Variants in FAM222B observed in about 807,000 individuals in gnomAD.
FAM222B encodes the protein protein FAM222B.
FAM222B carries 12 observed loss-of-function variants against 38.0 expected under a neutral mutation model. That is an observed-to-expected ratio of 0.32 (90% CI 0.20 to 0.51). The LOEUF (loss-of-function observed/expected upper bound fraction) is 0.51, where lower values mean the gene tolerates loss of function less well. Among genes scored for constraint, FAM222B ranks in the 20% least tolerant of loss-of-function variants. The pLI is 0.97. For missense variants in FAM222B, 716 were observed against 754.2 expected, an observed-to-expected ratio of 0.95 and a Z score of 0.59; for synonymous variants, 329 against 317.2, an observed-to-expected ratio of 1.04 and a Z score of -0.40.
chr17:28,790,299 C>CT (rs1375974445), intron 1 of FAM222B: 2 of 152,158 alleles, frequency 1.3e-5, no homozygotes, highest in African/African-American at 4.8e-5. Context: ...AGTAACTTTA[C>CT]TTAGGAAAAG....
chr17:28,786,329 C>T (rs979301680), intron 1 of FAM222B, among the ~76,000 whole-genome samples: 1 of 152,088 alleles, frequency 6.6e-6, no homozygotes, highest in Non-Finnish European at 1.5e-5. Context: ...AAGGTAAATC[C>T]GCTGGGAAAA....
At chr17:28,853,790 G>A (rs1598072347) in intron 1 of FAM222B, among the ~76,000 whole-genome samples, 2 of 151,966 alleles carry the variant, frequency 1.3e-5, no homozygotes, top group East Asian at 3.9e-4. Flanking sequence ...ACTCAAGAGG[G>A]CTGAAACTGG....
chr17:28,823,070 A>G (rs746404723), intron 1 of FAM222B, among the ~76,000 whole-genome samples: 2 of 151,148 alleles, frequency 1.3e-5, no homozygotes, highest in African/African-American at 4.9e-5. Context: ...GGAAAAAAAA[A>G]ACATATTCAA....
intron 1 of FAM222B, among the ~76,000 whole-genome samples, chr17:28,799,125 C>G (rs1449175236): frequency 6.6e-6 from 1 of 151,106 alleles, no homozygotes. Context: ...CAGGCGCACA[C>G]CACCATGCCC....
intron 1 of FAM222B, among the ~76,000 whole-genome samples, chr17:28,767,931 T>G (rs917117687): frequency 6.6e-6 from 1 of 152,042 alleles, no homozygotes; most frequent in Non-Finnish European, 1.5e-5. Context: ...AAGAAATGCA[T>G]TGCTCCCAGA....
At chr17:28,818,921 G>C (rs2038123558) in intron 1 of FAM222B, among the ~76,000 whole-genome samples, 1 of 152,198 alleles carries the variant, frequency 6.6e-6, no homozygotes, top group African/African-American at 2.4e-5. Context: ...TTCCCTTCTA[G>C]TGCCAAAGCC....
intron 1 of FAM222B, among the ~76,000 whole-genome samples, chr17:28,785,898 C>T (rs1412797361): frequency 1.3e-5 from 2 of 152,050 alleles, no homozygotes; most frequent in East Asian, 1.9e-4. Context: ...TTAGTAGAGA[C>T]GGGGTTTCAC....
At chr17:28,817,833 A>T (rs946465275) in intron 1 of FAM222B, among the ~76,000 whole-genome samples, 2 of 152,170 alleles carry the variant, frequency 1.3e-5, no homozygotes, top group Non-Finnish European at 2.9e-5. Flanking sequence ...TCATTCCTAG[A>T]AGAGAGAGGA....
At chr17:28,801,325 C>T (rs1485517744) in intron 1 of FAM222B, among the ~76,000 whole-genome samples, 10 of 149,254 alleles carry the variant, frequency 6.7e-5, no homozygotes, top group Non-Finnish European at 1.2e-4. Flanking sequence ...ATGTGGCGGG[C>T]GCCTGTAGTC....
chr17:28,769,280 G>A (rs531659365), intron 1 of FAM222B, among the ~76,000 whole-genome samples: 2 of 141,590 alleles, frequency 1.4e-5, no homozygotes, highest in African/African-American at 2.6e-5. Flanking sequence ...CCGGGTTCAC[G>A]CCATTCTCCT....
chr17:28,818,476 C>A (rs545278167), intron 1 of FAM222B, among the ~76,000 whole-genome samples: 23 of 150,072 alleles, frequency 1.5e-4, no homozygotes, highest in Admixed American at 1.5e-3. Context: ...TGCAGTCAGC[C>A]GAGATCGCGC....
chr17:28,854,998 C>G, exon 1 of FAM222B: 3 of 1,526,664 alleles, frequency 2.0e-6, no homozygotes, highest in Middle Eastern at 4.2e-4. Context: ...ATCGTAGGAG[C>G]GCTCCTGGTC....
intron 1 of FAM222B, among the ~76,000 whole-genome samples, chr17:28,784,290 G>A (rs1441514568): frequency 1.3e-5 from 2 of 151,264 alleles, no homozygotes; most frequent in Admixed American, 1.3e-4. Context: ...CATGGGCAAC[G>A]CAGTAAAATT....
At chr17:28,847,821 G>A (rs2039155577) in intron 1 of FAM222B, among the ~76,000 whole-genome samples, 1 of 151,794 alleles carries the variant, frequency 6.6e-6, no homozygotes, top group South Asian at 2.1e-4. Flanking sequence ...GGCTGAGGCC[G>A]GAGAATGGTG....
intron 1 of FAM222B, among the ~76,000 whole-genome samples, chr17:28,804,245 GA>G (rs2037372903): frequency 6.6e-6 from 1 of 152,010 alleles, no homozygotes; most frequent in Admixed American, 6.6e-5. Flanking sequence ...GCATATTGTG[GA>G]ACTTCTCAGC....
At chr17:28,845,983 C>A (rs2039142781), upstream of FAM222B, among the ~76,000 whole-genome samples, 1 of 150,428 alleles carries the variant, frequency 6.6e-6, no homozygotes, top group Admixed American at 6.6e-5. Context: ...GCGGGTGGAT[C>A]ACGAGGTCAG....
At chr17:28,791,031 C>T (rs964259215) in intron 1 of FAM222B, among the ~76,000 whole-genome samples, 10 of 150,526 alleles carry the variant, frequency 6.6e-5, no homozygotes, top group African/African-American at 2.0e-4. Context: ...CCTGAGTAGC[C>T]GGCGTAGCTG....
intron 1 of FAM222B, among the ~76,000 whole-genome samples, chr17:28,816,309 T>A (rs1291430013): frequency 1.3e-5 from 2 of 152,154 alleles, no homozygotes; most frequent in Non-Finnish European, 2.9e-5. Context: ...ATTAATTTTG[T>A]CATTTTTACT....
chr17:28,830,459 C>T (rs1391178413), intron 1 of FAM222B, among the ~76,000 whole-genome samples: 1 of 152,084 alleles, frequency 6.6e-6, no homozygotes, highest in Non-Finnish European at 1.5e-5. Context: ...CACACCCGGC[C>T]TATACATTCT....
Sources: allele counts gnomAD v4.1 joint callset (sites outside exome capture counted in the v4.1 genomes callset), GRCh38; gene constraint gnomAD v4.1.1; transcripts MANE v1.5; gene names NCBI Gene and HGNC (gene_info 2026-07-23, HGNC 2026-07-21).